Variants in ARID1B observed in about 807,000 individuals in gnomAD.
ARID1B encodes AT-rich interaction domain 1B.
ARID1B carries 30 observed loss-of-function variants against 212.3 expected under a neutral mutation model. The ratio of observed to expected loss-of-function variants is 0.14; its 90% CI spans 0.11 to 0.19. The LOEUF is 0.19. Ranked by LOEUF, ARID1B falls within the 10% of genes least tolerant of loss-of-function variation. ARID1B has a pLI of 1.00. For synonymous variants in ARID1B, 1,402 were observed against 1,301.7 expected, an observed-to-expected ratio of 1.08 and a Z score of -1.66; for missense variants, 2,891 against 3,204.0, an observed-to-expected ratio of 0.90 and a Z score of 2.36.
intron 2 of ARID1B, among the ~76,000 whole-genome samples, chr6:156,834,172 A>G (rs1405614725): frequency 6.6e-6 from 1 of 152,210 alleles, no homozygotes; most frequent in African/African-American, 2.4e-5. Flanking sequence ...AAGACTTAAA[A>G]ATTCCAGAGT....
rs140841869 is a variant in ARID1B, at chr6:156,832,165, A to G, written c.1986+2744A>G. Among the ~76,000 whole-genome samples the G allele has an allele frequency of 2.3e-3, 349 of 152,338 alleles. 2 individuals are homozygous for G. The highest frequency in any genetic ancestry group is 7.8e-3 in the African/African-American group (326 of 41,586). On this transcript the variant is annotated intron_variant, in intron 2 of 19. Coordinates refer to ENST00000636930, the MANE Select transcript of ARID1B (RefSeq NM_001374828.1). Reference sequence around the variant, plus strand: ...AAAAAAATAGTGAAGATTTAGAGCAAAGGTTATTAGAGCATATACATTCAT... The same window carrying G: ...AAAAAAATAGTGAAGATTTAGAGCAGAGGTTATTAGAGCATATACATTCAT...
At position 157,088,083 on chromosome 6, in the gene ARID1B, A is replaced by G. The variant is rs572766793; in HGVS notation, c.2491+3178A>G. On this transcript the variant is annotated intron_variant, in intron 5 of 19. Transcript: ENST00000636930. Reference sequence around the variant, plus strand: ...CTCTTTTTGCCTGTGTGGAGGCCACATCAGCTAACTGTGAGCAGCACTTCC... The same window carrying G: ...CTCTTTTTGCCTGTGTGGAGGCCACGTCAGCTAACTGTGAGCAGCACTTCC... 2.6e-5 allele frequency among the ~76,000 whole-genome samples: 4 copies of G among 152,364 alleles called. No individual in the cohort carries two copies. In the South Asian group the frequency reaches 8.3e-4, roughly 32 times the overall value.
intron 4 of ARID1B, among the ~76,000 whole-genome samples, chr6:157,068,586 AT>A (rs1235995832): frequency 2.0e-5 from 3 of 152,234 alleles, no homozygotes. Flanking sequence ...TCCTGCTCTT[AT>A]GCATACTGTG....
chr6:156,803,279 A>G (rs1780917108), intron 1 of ARID1B, among the ~76,000 whole-genome samples: 1 of 152,246 alleles, frequency 6.6e-6, no homozygotes. Context: ...AATTCAGTCC[A>G]CATTTATAAT....
intron 2 of ARID1B, among the ~76,000 whole-genome samples, chr6:156,868,023 G>T (rs1396096873): frequency 6.6e-6 from 1 of 152,202 alleles, no homozygotes; most frequent in Admixed American, 6.5e-5. Flanking sequence ...CCTCACAGTG[G>T]GGATTGATGG....
At chr6:157,133,864 A>G (rs1424410330) in intron 7 of ARID1B, among the ~76,000 whole-genome samples, 1 of 152,228 alleles carries the variant, frequency 6.6e-6, no homozygotes, top group Non-Finnish European at 1.5e-5. Context: ...AGGTTTTGTC[A>G]GATACACACA....
At chr6:156,878,435 C>T (rs368287028) in intron 2 of ARID1B, among the ~76,000 whole-genome samples, 7 of 152,214 alleles carry the variant, frequency 4.6e-5, no homozygotes, top group Admixed American at 2.6e-4. Flanking sequence ...ACCTCCATAT[C>T]GCCCCACTGG....
At chr6:156,951,273 C>T (rs986531742) in intron 4 of ARID1B, among the ~76,000 whole-genome samples, 1 of 151,832 alleles carries the variant, frequency 6.6e-6, no homozygotes, top group Non-Finnish European at 1.5e-5. Flanking sequence ...CTGCTCCAAG[C>T]GGATTACAAA....
In ARID1B at chr6:156,931,089, C is replaced by CT. The variant is rs555754666; in HGVS notation, c.2137-4376dup. On this transcript the variant is annotated intron_variant, in intron 3 of 19. Coordinates refer to ENST00000636930, the MANE Select transcript of ARID1B (RefSeq NM_001374828.1). ...CCTGTAGTCCCAGCTACTCGGGAGGCTGAGGCAGGAGAATCTCTTGAAACC... is the reference window on the plus strand; with the variant it reads ...CCTGTAGTCCCAGCTACTCGGGAGGCTTGAGGCAGGAGAATCTCTTGAAACC... Among the ~76,000 whole-genome samples the CT allele has an allele frequency of 3.7e-4, 56 of 150,242 alleles. 1 individual carries two copies. Among genetic ancestry groups the CT allele is most frequent in the Middle Eastern group, 3.5e-3 (1 of 288 alleles).
At chr6:157,072,164 A>G (rs1030183234) in intron 4 of ARID1B, 1 of 152,208 alleles carries the variant, frequency 6.6e-6, no homozygotes, top group Non-Finnish European at 1.5e-5. Context: ...ACTGCTATTC[A>G]TCTGTTTCCC....
At chr6:157,084,136 T>TC (rs1562603785) in intron 4 of ARID1B, among the ~76,000 whole-genome samples, 2 of 140,572 alleles carry the variant, frequency 1.4e-5, no homozygotes, top group East Asian at 2.3e-4. Context: ...CTTCATCACC[T>TC]CCCCCCCAAA....
intron 5 of ARID1B, among the ~76,000 whole-genome samples, chr6:157,103,052 C>T (rs1002646321): frequency 4.6e-5 from 7 of 152,148 alleles, no homozygotes; most frequent in Admixed American, 4.6e-4. Context: ...TTTTGAACTA[C>T]AACAGCTGAG....
intron 5 of ARID1B, among the ~76,000 whole-genome samples, chr6:157,085,509 T>G (rs1784909213): frequency 6.6e-6 from 1 of 152,124 alleles, no homozygotes; most frequent in Non-Finnish European, 1.5e-5. Context: ...CTTTATTATG[T>G]TCTCGAGGTT....
chr6:157,206,217 T>A lies in ARID1B; in HGVS notation c.5445T>A (p.Ile1815=), dbSNP rs753008910. ...TCGAGTACTTTAGAAAATGCCTGAT[T>A]GACATTTTTGGAATTCTTATGGAAT... ...LLVEYFRKCL[I]DIFGILMEYE... Residue 1815 remains isoleucine, a synonymous_variant, in exon 20 of 20, where the codon ATT becomes ATA. Transcript: ENST00000636930. The surrounding 1 kb of genome is among the most constrained non-coding windows in gnomAD (Gnocchi z 6.8). 5.0e-6 allele frequency: 8 copies of A among 1,614,092 alleles called. No homozygotes were observed.
intron 4 of ARID1B, among the ~76,000 whole-genome samples, chr6:157,075,393 A>C (rs1784239118): frequency 6.6e-6 from 1 of 152,234 alleles, no homozygotes; most frequent in Admixed American, 6.5e-5. Flanking sequence ...CTTAAAAATG[A>C]TTTTAATGAA....
At chr6:157,064,427 A>G (rs1433256218) in intron 4 of ARID1B, among the ~76,000 whole-genome samples, 2 of 152,224 alleles carry the variant, frequency 1.3e-5, no homozygotes, top group Non-Finnish European at 2.9e-5. Flanking sequence ...GGCTATGCTC[A>G]GTTTTTATGA....
At chr6:157,019,657 T>G (rs1194530753) in intron 4 of ARID1B, among the ~76,000 whole-genome samples, 2 of 152,146 alleles carry the variant, frequency 1.3e-5, no homozygotes, top group South Asian at 2.1e-4. Flanking sequence ...TCCTGAAGGT[T>G]CTGTTTTAGG....
rs1794074202 is a variant in ARID1B at position 157,201,084 on chromosome 6, A to G, written c.4859A>G (p.Asp1620Gly). The change falls in exon 18 of 20, where the codon GAC becomes GGC. Residue 1620 changes from aspartate (D) to glycine (G), a missense_variant. By Grantham distance (94) the Asp-to-Gly change is moderately conservative. This residue lies in a region of ARID1B where 666 missense variants were observed against 873.5 expected (regional missense o/e 0.76). Coordinates refer to ENST00000636930, the MANE Select transcript of ARID1B (RefSeq NM_001374828.1). The surrounding 1 kb of genome is among the most constrained non-coding windows in gnomAD (Gnocchi z 5.2). ...CCTTACCCAGGCATGAACCGCACAGACGATATGATGGTACCCGATCAGAGG... is the reference window on the plus strand; with the variant it reads ...CCTTACCCAGGCATGAACCGCACAGGCGATATGATGGTACCCGATCAGAGG... ...APPYPGMNRT[D>G]DMMVPDQRIN... is the part of the protein sequence containing the mutation. The G allele has an allele frequency of 5.6e-6, 9 of 1,614,042 alleles. No homozygotes were observed. Among genetic ancestry groups the G allele is most frequent in the Non-Finnish European group, 6.8e-6 (8 of 1,180,026 alleles).
intron 3 of ARID1B, among the ~76,000 whole-genome samples, chr6:156,903,562 T>A (rs756852928): frequency 1.1e-4 from 16 of 152,212 alleles, no homozygotes; most frequent in Non-Finnish European, 1.9e-4. Context: ...GGGAGTTGGA[T>A]GGGAGATAGA....
Sources: gnomAD v4.1 joint callset for allele counts (sites outside exome capture counted in the v4.1 genomes callset) on GRCh38, gnomAD v4.1.1 for gene constraint, gnomAD v4.1.1 regional missense constraint, Gnocchi (gnomAD v3.1) non-coding constraint, MANE v1.5 for transcripts, NCBI Gene and HGNC (gene_info 2026-07-23, HGNC 2026-07-21) for gene names.